The following WAPL variants were observed in gnomAD, a reference collection of about 807,000 sequenced individuals.
WAPL encodes the protein wings apart-like protein homolog.
A neutral mutation model predicts 121.0 loss-of-function variants in WAPL; 5 were observed. The ratio of observed to expected loss-of-function variants is 0.04; its 90% CI spans 0.02 to 0.09. The LOEUF is 0.09. WAPL is among the 10% of genes least tolerant of loss of function. The pLI, the probability that WAPL is intolerant of heterozygous loss-of-function variation, is 1.00. For synonymous variants in WAPL, 480 were observed against 481.5 expected, an observed-to-expected ratio of 1.00 and a Z score of 0.04; for missense variants, 999 against 1,410.8, an observed-to-expected ratio of 0.71 and a Z score of 4.68.
At chr10:86,488,257 CCTAG>C (rs1331202149) in intron 4 of WAPL, among the ~76,000 whole-genome samples, 4 of 152,120 alleles carry the variant, frequency 2.6e-5, no homozygotes, top group Non-Finnish European at 5.9e-5. Context: ...TTACATGTTT[CCTAG>C]CTGTCTACTC....
intron 1 of WAPL, 147 bp from the exon 2 acceptor site, chr10:86,518,238 A>G (rs2132236763): frequency 2.5e-6 from 2 of 790,228 alleles, no homozygotes; most frequent in Non-Finnish European, 3.8e-6. Context: ...AGGAAGGGGT[A>G]TAAAGAAAGG....
intron 3 of WAPL, among the ~76,000 whole-genome samples, chr10:86,497,924 T>C (rs564071612): frequency 8.5e-5 from 13 of 152,348 alleles, no homozygotes; most frequent in Admixed American, 7.2e-4. Flanking sequence ...GTTAAAAATA[T>C]GTATCTTTTT....
intron 2 of WAPL, among the ~76,000 whole-genome samples, chr10:86,508,488 TC>T (rs1231281341): frequency 6.6e-6 from 1 of 152,010 alleles, no homozygotes; most frequent in East Asian, 1.9e-4. Context: ...CCTTCGAACA[TC>T]TTTAACAAGT....
rs775362313 is a variant in WAPL at position 86,443,347 on chromosome 10, G to A, written c.3339C>T (p.Gly1113=). ...LDLNKALQHA[G]KHMEDCIVAS... ...CCACAATGCAATCCTCCATGTGTTT[G>A]CCGGCATGCTGAAGGGCTGAGAGAA... Residue 1113 remains glycine (G), a synonymous_variant, in exon 17 of 19, where the codon GGC becomes GGT. Coordinates refer to ENST00000298767, the MANE Select transcript of WAPL (RefSeq NM_015045.5). 51 of 1,613,918 alleles carry A rather than the reference G, an allele frequency of 3.2e-5. No homozygotes were observed. The highest frequency in any genetic ancestry group is 2.0e-4 in the Admixed American group (12 of 60,000).
Position 86,521,523 on chromosome 10 carries a change from G to GT in WAPL, c.-182dup, listed in dbSNP as rs1303269029. The GT allele has an allele frequency of 8.2e-6, 3 of 365,392 alleles. No individual in the cohort carries two copies. Among genetic ancestry groups the GT allele is most frequent in the African/African-American group, 2.3e-5 (1 of 43,386 alleles). 22.6% of individuals were successfully genotyped at this position (365,392 alleles called of 1,614,324 possible). ...CTGCTTTCGGTAAATAGGAAGCCCG[G>GT]TTGGGGGGGCAGGAGCGGCGGCCCC... On this transcript the variant is annotated 5_prime_UTR_variant, in exon 1 of 19. Transcript: ENST00000298767.
intron 17 of WAPL, among the ~76,000 whole-genome samples, chr10:86,442,869 C>T (rs117366710): frequency 0.035 from 5,316 of 152,098 alleles, 153 homozygotes; most frequent in Middle Eastern, 0.066. Context: ...GAATCCCCGT[C>T]TCTACCAAAA....
chr10:86,495,940 C>T (rs891041383), intron 4 of WAPL, among the ~76,000 whole-genome samples: 2 of 152,114 alleles, frequency 1.3e-5, no homozygotes, highest in Non-Finnish European at 2.9e-5. Context: ...CATGATGAAA[C>T]CCCATCTCTA....
intron 3 of WAPL, among the ~76,000 whole-genome samples, chr10:86,498,903 AATTT>A (rs1842196428): frequency 6.6e-6 from 1 of 152,160 alleles, no homozygotes; most frequent in South Asian, 2.1e-4. Context: ...GGCACTTTTC[AATTT>A]TATTAAACCA....
At chr10:86,467,676 ATTT>A (rs758088662) in intron 8 of WAPL, among the ~76,000 whole-genome samples, 170 bp from the exon 9 acceptor site, 5 of 143,548 alleles carry the variant, frequency 3.5e-5, no homozygotes, top group Admixed American at 7.0e-5. Context: ...CCTCTAAAAA[ATTT>A]TTTTTTTTTT....
intron 2 of WAPL, among the ~76,000 whole-genome samples, chr10:86,503,837 G>A (rs1176897574): frequency 6.6e-6 from 1 of 151,966 alleles, no homozygotes; most frequent in East Asian, 1.9e-4. Flanking sequence ...AATATACCAA[G>A]AATCCTTACA....
At chr10:86,442,939 A>T (rs1849506926) in intron 17 of WAPL, among the ~76,000 whole-genome samples, 1 of 151,280 alleles carries the variant, frequency 6.6e-6, no homozygotes, top group Admixed American at 6.6e-5. Flanking sequence ...GCTACTCGGG[A>T]GACTGAGGCA....
At chr10:86,473,812 A>T in intron 5 of WAPL, 66 bp downstream of exon 5, 1 of 1,260,206 alleles carries the variant, frequency 7.9e-7, no homozygotes, top group Non-Finnish European at 1.1e-6. Flanking sequence ...ATTATGAATT[A>T]AAAGAGTAAC....
intron 4 of WAPL, among the ~76,000 whole-genome samples, chr10:86,491,232 C>T (rs563873047): frequency 6.1e-5 from 9 of 147,588 alleles, no homozygotes; most frequent in South Asian, 2.2e-4. Context: ...CTCTGCCTCC[C>T]GGGTTCGCGC....
chr10:86,493,582 T>C (rs1378583075), intron 4 of WAPL, among the ~76,000 whole-genome samples: 1 of 152,154 alleles, frequency 6.6e-6, no homozygotes, highest in Admixed American at 6.6e-5. Context: ...CAGGCTCCAG[T>C]GAAGTGATGT....
intron 2 of WAPL, among the ~76,000 whole-genome samples, chr10:86,507,920 A>C (rs1442930297): frequency 6.6e-6 from 1 of 152,094 alleles, no homozygotes; most frequent in African/African-American, 2.4e-5. Flanking sequence ...TAACACCCTA[A>C]ATTCCCTTGC....
intron 4 of WAPL, among the ~76,000 whole-genome samples, chr10:86,481,286 C>CTGT (rs1442171762): frequency 6.6e-6 from 1 of 152,012 alleles, no homozygotes; most frequent in Non-Finnish European, 1.5e-5. Flanking sequence ...TCTACATGAA[C>CTGT]TGATAGTGAT....
At chr10:86,494,510 G>C (rs1842113671) in intron 4 of WAPL, among the ~76,000 whole-genome samples, 1 of 152,104 alleles carries the variant, frequency 6.6e-6, no homozygotes, top group Admixed American at 6.6e-5. Context: ...GAACTTTTAA[G>C]CAAAAACAAA....
rs978351475 is a variant in WAPL, at chr10:86,500,329, G to A, written c.914C>T (p.Ser305Phe). Reference protein sequence around the residue: ...TYCRANKTKSSQGASNFDKLM... With the variant: ...TYCRANKTKSFQGASNFDKLM... Reference sequence around the variant, plus strand: ...CTTATCAAAATTTGATGCTCCTTGGGAGGATTTCGTTTTATTGGCCCTACA... The same window carrying A: ...CTTATCAAAATTTGATGCTCCTTGGAAGGATTTCGTTTTATTGGCCCTACA... The change falls in exon 3 of 19, where the codon TCC becomes TTC. Residue 305 changes from serine (S) to phenylalanine (F), a missense_variant. This residue lies in a region of WAPL where 531 missense variants were observed against 563.1 expected (regional missense o/e 0.94). Coordinates refer to ENST00000298767, the MANE Select transcript of WAPL (RefSeq NM_015045.5). 7.4e-6 allele frequency: 12 copies of A among 1,614,184 alleles called. No individual in the cohort carries two copies. Among genetic ancestry groups the A allele is most frequent in the Non-Finnish European group, 1.0e-5 (12 of 1,180,026 alleles).
intron 17 of WAPL, among the ~76,000 whole-genome samples, chr10:86,441,666 A>G (rs1052775509): frequency 3.9e-5 from 6 of 152,036 alleles, no homozygotes; most frequent in Non-Finnish European, 4.4e-5. Flanking sequence ...GCACGGGACC[A>G]TAAGGGCTAG....
Sources: gnomAD v4.1 joint callset for allele counts (sites outside exome capture counted in the v4.1 genomes callset) on GRCh38, gnomAD v4.1.1 for gene constraint, gnomAD v4.1.1 regional missense constraint, MANE v1.5 for transcripts, NCBI Gene and HGNC (gene_info 2026-07-23, HGNC 2026-07-21) for gene names.